SPAG9: variants seen among roughly 807,000 people sequenced by gnomAD.
SPAG9 encodes C-Jun-amino-terminal kinase-interacting protein 4.
SPAG9 carries 35 observed loss-of-function variants against 166.5 expected under a neutral mutation model. The ratio of observed to expected loss-of-function variants is 0.21; its 90% CI spans 0.16 to 0.28. The LOEUF is 0.28. Ranked by LOEUF, SPAG9 falls within the 10% of genes least tolerant of loss-of-function variation. The pLI, the probability that SPAG9 is intolerant of heterozygous loss-of-function variation, is 1.00. For missense variants in SPAG9, 1,235 were observed against 1,603.3 expected (o/e 0.77, Z 3.92); for synonymous variants, 534 against 565.5 (o/e 0.94, Z 0.79).
intron 1 of SPAG9, among the ~76,000 whole-genome samples, chr17:51,115,347 C>T (rs1354582166): frequency 2.6e-5 from 4 of 151,924 alleles, no homozygotes; most frequent in Non-Finnish European, 4.4e-5. Flanking sequence ...CACCATCACA[C>T]CCAACTAATT....
At chr17:51,110,958 T>C (rs954937474) in intron 1 of SPAG9, among the ~76,000 whole-genome samples, 6 of 151,620 alleles carry the variant, frequency 4.0e-5, no homozygotes, top group Non-Finnish European at 8.8e-5. Context: ...CTACTAAAAA[T>C]ACAAAAAATT....
At chr17:51,068,766 C>G (rs2144583901) in intron 2 of SPAG9, among the ~76,000 whole-genome samples, 1 of 152,246 alleles carries the variant, frequency 6.6e-6, no homozygotes, top group South Asian at 2.1e-4. Flanking sequence ...CACCAGAAAT[C>G]CTTTAACTTT....
chr17:51,081,004 C>T (rs1423556389), intron 1 of SPAG9, among the ~76,000 whole-genome samples: 1 of 151,668 alleles, frequency 6.6e-6, no homozygotes, highest in Non-Finnish European at 1.5e-5. Flanking sequence ...TTACTCAGGA[C>T]CAAAACTCTG....
intron 23 of SPAG9, 87 bp from the exon 24 acceptor site, chr17:50,985,077 A>C: frequency 8.9e-7 from 1 of 1,118,402 alleles, no homozygotes; most frequent in Non-Finnish European, 1.4e-6. Context: ...AGGCCTCACA[A>C]AGGGCCAATC....
In SPAG9 at chr17:51,109,732, G is replaced by C. The variant is rs116266108; in HGVS notation, c.303+10622C>G. Among the ~76,000 whole-genome samples, 812 of 150,484 alleles carry C rather than the reference G, an allele frequency of 5.4e-3. 7 individuals carry two copies. Among genetic ancestry groups the C allele is most frequent in the African/African-American group, 0.018 (755 of 40,876 alleles). On this transcript the variant is annotated intron_variant, in intron 1 of 29. Transcript: ENST00000262013. ...CTTTTTTTTCTTTTCTTTTCTTTTTGACAGAGTCTCACTGTGTTGCCCAGG... is the reference window on the plus strand; with the variant it reads ...CTTTTTTTTCTTTTCTTTTCTTTTTCACAGAGTCTCACTGTGTTGCCCAGG...
At chr17:51,007,799 T>G (rs2045290443) in intron 9 of SPAG9, 1 of 449,100 alleles carries the variant, frequency 2.2e-6, no homozygotes, top group Admixed American at 2.4e-5. Flanking sequence ...AAAACAAGGC[T>G]AAAGAAAGAT....
intron 26 of SPAG9, among the ~76,000 whole-genome samples, chr17:50,978,767 C>G (rs574642529): frequency 6.6e-6 from 1 of 152,256 alleles, no homozygotes; most frequent in East Asian, 1.9e-4. Flanking sequence ...AAGGAGCTTG[C>G]TGAGCTGTGG....
Position 51,005,217 on chromosome 17 carries a change from C to T in SPAG9, c.1471G>A (p.Asp491Asn), listed in dbSNP as rs531317237. 2.5e-5 allele frequency: 40 copies of T among 1,613,884 alleles called. 1 individual carries two copies. In the East Asian group the frequency reaches 7.6e-4, roughly 31 times the overall value. The change falls in exon 12 of 30, where the codon GAT becomes AAT. Residue 491 changes from aspartate (D) to asparagine (N), a missense_variant. Around this residue, in one of 6 missense-constraint regions of SPAG9, gnomAD observed 125 missense variants for 194.0 expected, o/e 0.64. Coordinates refer to ENST00000262013, the MANE Select transcript of SPAG9 (RefSeq NM_001130528.3). ...EDARQKAKDD[D>N]DSDIPTAQRK... ...GTCCAAAATTGTAAACCTACATCAT[C>T]GTCATCTTTTGCTTTTTGCCTTGCA...
intron 26 of SPAG9, among the ~76,000 whole-genome samples, chr17:50,978,630 G>A (rs538655901): frequency 9.2e-5 from 14 of 152,230 alleles, no homozygotes; most frequent in African/African-American, 3.4e-4. Context: ...AAGTATGACA[G>A]GACCTAAATG....
At chr17:51,077,677 G>T (rs749452952) in intron 2 of SPAG9, among the ~76,000 whole-genome samples, 3 of 151,780 alleles carry the variant, frequency 2.0e-5, no homozygotes, top group Non-Finnish European at 4.4e-5. Flanking sequence ...TTGAGACAGG[G>T]TCTCACTCTC....
At chr17:51,082,834 C>T (rs73988516) in intron 1 of SPAG9, among the ~76,000 whole-genome samples, 8,688 of 152,150 alleles carry the variant, frequency 0.057, 733 homozygotes, top group African/African-American at 0.19. Flanking sequence ...TGTCTACACA[C>T]ATTACGTTCC....
At chr17:51,024,570 G>A (rs1407087233) in intron 6 of SPAG9, among the ~76,000 whole-genome samples, 1 of 151,864 alleles carries the variant, frequency 6.6e-6, no homozygotes, top group African/African-American at 2.4e-5. Context: ...TAAATCAGCC[G>A]GGCGTGGCGG....
At chr17:51,113,862 G>T (rs974235316) in intron 1 of SPAG9, among the ~76,000 whole-genome samples, 2 of 151,830 alleles carry the variant, frequency 1.3e-5, no homozygotes, top group Non-Finnish European at 2.9e-5. Context: ...AGGCATGGCG[G>T]CATGATCCTG....
intron 2 of SPAG9, among the ~76,000 whole-genome samples, chr17:51,069,654 T>G (rs909651959): frequency 5.3e-5 from 8 of 152,174 alleles, no homozygotes; most frequent in African/African-American, 1.9e-4. Context: ...TTGTTTATGT[T>G]AATATCTCCC....
intron 15 of SPAG9, among the ~76,000 whole-genome samples, chr17:50,996,969 G>A (rs548254318): frequency 3.9e-4 from 59 of 152,210 alleles, no homozygotes; most frequent in African/African-American, 1.3e-3. Context: ...GTAAAACCCC[G>A]TCTCTGCTAA....
rs1442004003 is a variant in SPAG9, at chr17:51,053,851, AAAAGT to A, written c.495+2556_495+2560del. Reference sequence around the variant, plus strand: ...AGACCCTAATTAAAAAAAAAAAAAAAAAAGTATATATATATATATATATATATATA... The same window carrying A: ...AGACCCTAATTAAAAAAAAAAAAAAAATATATATATATATATATATATATA... On this transcript the variant is annotated intron_variant, in intron 3 of 29. Coordinates refer to ENST00000262013, the MANE Select transcript of SPAG9 (RefSeq NM_001130528.3). Among the ~76,000 whole-genome samples, 232 of 65,414 alleles carry A rather than the reference AAAAGT, an allele frequency of 3.5e-3. 7 individuals carry two copies. The highest frequency in any genetic ancestry group is 0.013 in the Middle Eastern group (2 of 154). 42.9% of individuals were successfully genotyped at this position (65,414 alleles called of 152,430 possible).
At chr17:50,982,737 AC>A in intron 24 of SPAG9, 65 bp from the exon 25 acceptor site, 1 of 1,380,062 alleles carries the variant, frequency 7.2e-7, no homozygotes, top group Non-Finnish European at 9.9e-7. Flanking sequence ...AACACAAGAA[AC>A]ATTTTATTTG....
chr17:51,104,838 C>T (rs1048225784), intron 1 of SPAG9, among the ~76,000 whole-genome samples: 5 of 150,778 alleles, frequency 3.3e-5, no homozygotes, highest in Non-Finnish European at 7.4e-5. Context: ...GAGGCTGAGG[C>T]AGGAGAATGG....
intron 9 of SPAG9, among the ~76,000 whole-genome samples, chr17:51,008,960 T>C (rs2045342466): frequency 6.6e-6 from 1 of 152,172 alleles, no homozygotes; most frequent in Non-Finnish European, 1.5e-5. Context: ...ATAGTAACTA[T>C]GTTTGCTATA....
Sources: allele counts gnomAD v4.1 joint callset (sites outside exome capture counted in the v4.1 genomes callset), GRCh38; gene constraint gnomAD v4.1.1; regional missense constraint gnomAD v4.1.1; transcripts MANE v1.5; gene names NCBI Gene and HGNC (gene_info 2026-07-23, HGNC 2026-07-21).